KLF8: variants seen among roughly 807,000 people sequenced by gnomAD.
KLF8 encodes the protein Krueppel-like factor 8.
KLF8 carries 10 observed loss-of-function variants against 18.2 expected under a neutral mutation model. The ratio of observed to expected loss-of-function variants is 0.55; its 90% confidence interval spans 0.34 to 0.93. KLF8 has a LOEUF of 0.93. Ranked by LOEUF, KLF8 falls within the 40% of genes least tolerant of loss-of-function variation. The probability of loss-of-function intolerance (pLI) is 0.02; values close to 1 mark genes in which losing one functional copy is unlikely to be tolerated. For synonymous variants in KLF8, 109 were observed against 97.3 expected (o/e 1.12, Z -0.71); for missense variants, 264 against 277.9 (o/e 0.95, Z 0.36).
chrX:56,196,145 C>T, the KLF8 span, among the ~76,000 whole-genome samples: 2 of 111,610 alleles, frequency 1.8e-5, no homozygotes, highest in Non-Finnish European at 3.8e-5. Context: ...TTGTAAAGAC[C>T]ATCCATGCCA....
the KLF8 span, among the ~76,000 whole-genome samples, chrX:56,192,302 C>T: frequency 2.7e-5 from 3 of 111,432 alleles, no homozygotes; most frequent in Non-Finnish European, 5.7e-5. Context: ...AACTATAAAA[C>T]ATTGATGCAA....
At chrX:56,194,941 G>T in the KLF8 span, among the ~76,000 whole-genome samples, 1 of 112,280 alleles carries the variant, frequency 8.9e-6, no homozygotes, top group African/African-American at 3.2e-5. Flanking sequence ...GGCAAACAGG[G>T]TCTGGAGTGG....
the KLF8 span, among the ~76,000 whole-genome samples, chrX:56,116,634 GATATATATATATAT>G: frequency 2.2e-4 from 17 of 78,157 alleles, no homozygotes; most frequent in South Asian, 2.3e-3. Context: ...ATGATGTTCT[GATATATATATATAT>G]ATATATATAT....
chrX:56,195,576 A>G, the KLF8 span, among the ~76,000 whole-genome samples: 6 of 112,373 alleles, frequency 5.3e-5, no homozygotes, highest in Non-Finnish European at 7.5e-5. Flanking sequence ...GAAATGTGGG[A>G]CTATGTAAAA....
the KLF8 span, among the ~76,000 whole-genome samples, chrX:55,979,214 A>G: frequency 8.9e-6 from 1 of 111,924 alleles, no homozygotes; most frequent in Non-Finnish European, 1.9e-5. Context: ...TAAAAAATTC[A>G]TAAGTTTTAA....
the KLF8 span, among the ~76,000 whole-genome samples, chrX:56,191,361 G>A: frequency 6.3e-5 from 7 of 111,675 alleles, no homozygotes; most frequent in African/African-American, 2.3e-4. Context: ...TACATTCACA[G>A]CTAAATTTTA....
the KLF8 span, among the ~76,000 whole-genome samples, chrX:56,013,177 G>A: frequency 5.7e-4 from 64 of 112,864 alleles, no homozygotes; most frequent in East Asian, 7.8e-3. Flanking sequence ...ACATGAAGTC[G>A]AAAGAGATTA....
the KLF8 span, among the ~76,000 whole-genome samples, chrX:56,148,894 C>T: frequency 1.8e-5 from 2 of 111,846 alleles, no homozygotes; most frequent in African/African-American, 3.2e-5. Context: ...GGAGACACAG[C>T]CAAACTATAT....
the KLF8 span, among the ~76,000 whole-genome samples, chrX:55,991,162 C>A: frequency 3.3e-3 from 365 of 112,288 alleles, 2 homozygotes; most frequent in African/African-American, 0.011. Flanking sequence ...CCATTTGGAG[C>A]TTCCTGGCCA....
At chrX:56,236,496 T>C (rs1356413587) in intron 1 of KLF8, among the ~76,000 whole-genome samples, 1 of 111,191 alleles carries the variant, frequency 9.0e-6, no homozygotes, top group Admixed American at 9.6e-5. Context: ...CAATGGCTGT[T>C]GTATTTTTTC....
At chrX:56,190,169 G>T in the KLF8 span, among the ~76,000 whole-genome samples, 1 of 111,107 alleles carries the variant, frequency 9.0e-6, no homozygotes, top group South Asian at 3.8e-4. Context: ...ACATAAATAA[G>T]CCACCAGTAG....
At chrX:55,994,173 G>A in the KLF8 span, among the ~76,000 whole-genome samples, 27 of 110,101 alleles carry the variant, frequency 2.5e-4, 1 homozygote, top group African/African-American at 8.3e-4. Context: ...GCCTCCCAAA[G>A]TGCTGGGTTT....
the KLF8 span, among the ~76,000 whole-genome samples, chrX:56,162,188 G>T: frequency 3.6e-5 from 4 of 111,940 alleles, no homozygotes; most frequent in Non-Finnish European, 5.6e-5. Flanking sequence ...CTACTGTGGG[G>T]TGCCTCCCAG....
chrX:56,029,818 C>T, the KLF8 span, among the ~76,000 whole-genome samples: 5 of 111,799 alleles, frequency 4.5e-5, no homozygotes, highest in African/African-American at 1.3e-4. Flanking sequence ...CCTGTCCCTT[C>T]GTGGGGATTC....
At chrX:56,109,936 C>A in the KLF8 span, among the ~76,000 whole-genome samples, 2 of 110,744 alleles carry the variant, frequency 1.8e-5, no homozygotes, top group Non-Finnish European at 3.8e-5. Context: ...CTTTCCCTCC[C>A]CCTGCCCACC....
the KLF8 span, among the ~76,000 whole-genome samples, chrX:56,042,220 G>T: frequency 4.9e-4 from 55 of 112,013 alleles, 1 homozygote; most frequent in Non-Finnish European, 7.5e-4. Context: ...GGTTTAATTT[G>T]TGTTGTGGTC....
the KLF8 span, among the ~76,000 whole-genome samples, chrX:55,950,661 C>G: frequency 8.9e-6 from 1 of 111,786 alleles, no homozygotes; most frequent in African/African-American, 3.2e-5. Flanking sequence ...CTGGAAAAAT[C>G]CTACTAATTC....
chrX:56,107,740 C>T, the KLF8 span, among the ~76,000 whole-genome samples: 1 of 111,370 alleles, frequency 9.0e-6, no homozygotes, highest in Non-Finnish European at 1.9e-5. Context: ...ACAGTCCCAA[C>T]AAGTCCCAGT....
chrX:56,012,858 C>G, the KLF8 span, among the ~76,000 whole-genome samples: 1 of 111,534 alleles, frequency 9.0e-6, no homozygotes, highest in African/African-American at 3.3e-5. Context: ...GAAAAAAAAA[C>G]TATTCTAAAA....
Sources: allele counts gnomAD v4.1 joint callset (sites outside exome capture counted in the v4.1 genomes callset), GRCh38; gene constraint gnomAD v4.1.1; transcripts MANE v1.5; gene names NCBI Gene and HGNC (gene_info 2026-07-23, HGNC 2026-07-21).